COPG1: variants seen among roughly 807,000 people sequenced by gnomAD.
The protein encoded by COPG1 is coat protein complex I subunit gamma 1, also known as coatomer subunit gamma-1.
Under a neutral mutation model 102.8 loss-of-function variants are expected in COPG1, and 29 were observed. The observed-to-expected ratio is 0.28, with a 90% CI of 0.21 to 0.38. The LOEUF (loss-of-function observed/expected upper bound fraction) is 0.38. Among genes scored for constraint, COPG1 ranks in the 10% least tolerant of loss-of-function variants. COPG1 has a pLI of 1.00. For synonymous variants in COPG1, 406 were observed against 421.6 expected, an observed-to-expected ratio of 0.96 and a Z score of 0.45; for missense variants, 875 against 1,132.7, an observed-to-expected ratio of 0.77 and a Z score of 3.27.
intron 21 of COPG1, among the ~76,000 whole-genome samples, chr3:129,273,630 T>G (rs1472204873): frequency 6.6e-6 from 1 of 152,270 alleles, no homozygotes; most frequent in Non-Finnish European, 1.5e-5. Flanking sequence ...CCTTTAATGT[T>G]GGGCATTTGG....
chr3:129,253,113 G>C, intron 5 of COPG1, 158 bp downstream of exon 5: 1 of 587,352 alleles, frequency 1.7e-6, no homozygotes, highest in South Asian at 2.1e-5. Context: ...GCAGCCTCCA[G>C]GTGTGCTGTT....
Position 129,249,622 on chromosome 3 carries a change from T to C in COPG1, c.-88T>C. The C allele has an allele frequency of 2.1e-6, 3 of 1,454,866 alleles. No homozygotes were observed. In the South Asian group the frequency reaches 3.7e-5, roughly 18 times the overall value. The allele number at this position is 1,454,866 out of a possible 1,614,324, so 90.1% of individuals were successfully genotyped here. Reference sequence around the variant, plus strand: ...GACGTGGCCAGTCGGGGCCCGGAAGTGGTCCCTGTAGAACCACTGTGGCAC... The same window carrying C: ...GACGTGGCCAGTCGGGGCCCGGAAGCGGTCCCTGTAGAACCACTGTGGCAC... On this transcript the variant is annotated 5_prime_UTR_variant, in exon 1 of 24. Transcript: ENST00000314797.
intron 10 of COPG1, among the ~76,000 whole-genome samples, chr3:129,258,335 CCTTTT>C (rs1939857597): frequency 6.6e-6 from 1 of 152,246 alleles, no homozygotes; most frequent in African/African-American, 2.4e-5. Flanking sequence ...TCCATGCCTT[CCTTTT>C]CTTTTCTCAG....
chr3:129,274,179 A>G, intron 21 of COPG1: 4 of 437,162 alleles, frequency 9.1e-6, no homozygotes, highest in South Asian at 6.5e-5. Context: ...GCCCATCCAG[A>G]GATGAAGAAA....
At chr3:129,253,537 C>T (rs1032741969) in intron 5 of COPG1, among the ~76,000 whole-genome samples, 2 of 152,146 alleles carry the variant, frequency 1.3e-5, no homozygotes, top group African/African-American at 4.8e-5. Flanking sequence ...AGAGAAATAA[C>T]CAGGCATCAG....
At position 129,259,439 on chromosome 3, in the gene COPG1, C is replaced by T. The variant is rs560741224; in HGVS notation, c.872-894C>T. 3.8e-3 allele frequency among the ~76,000 whole-genome samples: 497 copies of T among 129,980 alleles called. 2 individuals are homozygous for T. Among genetic ancestry groups the T allele is most frequent in the South Asian group, 0.014 (60 of 4,290 alleles). 85.3% of individuals were successfully genotyped at this position (129,980 alleles called of 152,430 possible). On this transcript the variant is annotated intron_variant, in intron 10 of 23. Coordinates refer to ENST00000314797, the MANE Select transcript of COPG1 (RefSeq NM_016128.4). ...TCGCGCCACTGCCCTCCAGCCTGGG[C>T]GACAGAGGGAGACTCTATCTCAAAA... is the stretch of plus-strand genomic sequence containing the variant.
chr3:129,273,945 G>C, intron 21 of COPG1: 1 of 447,378 alleles, frequency 2.2e-6, no homozygotes, highest in South Asian at 1.6e-5. Context: ...CAGTGGCTCA[G>C]GGCCATCTGA....
At chr3:129,270,960 G>A (rs1173962678) in intron 18 of COPG1, among the ~76,000 whole-genome samples, 2 of 152,208 alleles carry the variant, frequency 1.3e-5, no homozygotes, top group Non-Finnish European at 2.9e-5. Flanking sequence ...GATTTGGGAT[G>A]GAGTCTGAGT....
intron 11 of COPG1, 93 bp from the exon 12 acceptor site, chr3:129,260,526 A>C: frequency 6.6e-7 from 1 of 1,514,432 alleles, no homozygotes; most frequent in Non-Finnish European, 9.1e-7. Context: ...TGGTGAGATG[A>C]TCTCATCCAA....
rs1940103050 is a variant in COPG1, at chr3:129,268,052, C to G, written c.1648+12C>G. ...CTATATCCTAAATGGTGAGTCATTC[C>G]CTGGCTATCTTGGACTCAGCACCTT... On this transcript the variant is annotated intron_variant, in intron 16 of 23. Coordinates refer to ENST00000314797, the MANE Select transcript of COPG1 (RefSeq NM_016128.4). 1.9e-6 allele frequency: 3 copies of G among 1,601,756 alleles called. No homozygotes were observed. The East Asian group carries it at 6.7e-5, about 36-fold the overall frequency.
chr3:129,257,940 G>C, intron 10 of COPG1, 80 bp downstream of exon 10: 1 of 1,544,150 alleles, frequency 6.5e-7, no homozygotes, highest in Non-Finnish European at 8.8e-7. Context: ...CTAGGAGAAA[G>C]AAAGAAAATG....
At chr3:129,250,639 G>A (rs766381465) in intron 1 of COPG1, 43 bp from the exon 2 acceptor site, 29 of 1,549,254 alleles carry the variant, frequency 1.9e-5, no homozygotes, top group Non-Finnish European at 2.6e-5. Context: ...GAGTTTTGAA[G>A]TTCAGAGTCA....
intron 5 of COPG1, among the ~76,000 whole-genome samples, chr3:129,253,751 T>C (rs1939744922): frequency 6.6e-6 from 1 of 151,798 alleles, no homozygotes; most frequent in South Asian, 2.1e-4. Flanking sequence ...GTATCCACAA[T>C]GTAATCCACA....
intron 12 of COPG1, among the ~76,000 whole-genome samples, chr3:129,261,969 G>A (rs566804515): frequency 2.6e-5 from 4 of 152,244 alleles, no homozygotes; most frequent in Admixed American, 6.5e-5. Context: ...GTATGTCACC[G>A]GAGAGTTTTA....
At chr3:129,266,348 C>T (rs1304295903) in intron 14 of COPG1, among the ~76,000 whole-genome samples, 3 of 151,988 alleles carry the variant, frequency 2.0e-5, no homozygotes, top group Non-Finnish European at 2.9e-5. Context: ...AGGCTGGTCA[C>T]GAACTCCTGG....
chr3:129,273,462 A>G (rs1425154828), intron 21 of COPG1, among the ~76,000 whole-genome samples: 1 of 152,232 alleles, frequency 6.6e-6, no homozygotes, highest in Non-Finnish European at 1.5e-5. Flanking sequence ...TTTTGGGGGG[A>G]AGTGGTATAA....
intron 3 of COPG1, 37 bp from the exon 4 acceptor site, chr3:129,252,586 C>T: frequency 1.3e-6 from 2 of 1,564,528 alleles, no homozygotes; most frequent in Non-Finnish European, 1.8e-6. Context: ...GTCTGACCCT[C>T]TGTCCCAAGC....
rs1215686949 is a variant in COPG1 at position 129,252,326 on chromosome 3, C to T, written c.136C>T (p.His46Tyr). The change falls in exon 3 of 24, where the codon CAC becomes TAC. Residue 46 changes from histidine (H) to tyrosine (Y), a missense_variant. Coordinates refer to ENST00000314797, the MANE Select transcript of COPG1 (RefSeq NM_016128.4). Reference protein sequence around the residue: ...ETPINPRKCAHILTKILYLIN... With the variant: ...ETPINPRKCAYILTKILYLIN... ...TCCCATCAACCCTCGGAAATGTGCC[C>T]ACATCCTCACCAAGATTCTTTATCT... The T allele has an allele frequency of 6.2e-7, 1 of 1,613,058 alleles. No homozygotes were observed. Among genetic ancestry groups the T allele is most frequent in the African/African-American group, 1.3e-5 (1 of 74,854 alleles).
At position 129,250,752 on chromosome 3, in the gene COPG1, C is replaced by G. The variant is rs762574742; in HGVS notation, c.90+18C>G. The G allele has an allele frequency of 1.4e-5, 22 of 1,608,378 alleles. No individual in the cohort carries two copies. The African/African-American group carries it at 2.0e-4, about 15-fold the overall frequency. On this transcript the variant is annotated intron_variant, in intron 2 of 23. Transcript: ENST00000314797. ...TCCAGGAGGCAAGTGACATTTGCTCCCCTCTAGCTTCCATCATAAATATTC... is the reference window on the plus strand; with the variant it reads ...TCCAGGAGGCAAGTGACATTTGCTCGCCTCTAGCTTCCATCATAAATATTC...
Sources: allele counts gnomAD v4.1 joint callset (sites outside exome capture counted in the v4.1 genomes callset), GRCh38; gene constraint gnomAD v4.1.1; transcripts MANE v1.5; gene names NCBI Gene and HGNC (gene_info 2026-07-23, HGNC 2026-07-21).